The following ADAMTSL1 variants were observed in gnomAD, a reference collection of about 807,000 sequenced individuals.
ADAMTSL1 encodes ADAMTS like 1.
A neutral mutation model predicts 201.8 loss-of-function variants in ADAMTSL1; 126 were observed. The observed-to-expected ratio is 0.62, with a 90% confidence interval of 0.54 to 0.72. The LOEUF is 0.72. Ranked by LOEUF, ADAMTSL1 falls within the 30% of genes least tolerant of loss-of-function variation. The pLI, the probability that ADAMTSL1 is intolerant of heterozygous loss-of-function variation, is 0.00. For synonymous variants in ADAMTSL1, 1,121 were observed against 903.4 expected, an observed-to-expected ratio of 1.24 and a Z score of -4.32; for missense variants, 2,679 against 2,277.8, an observed-to-expected ratio of 1.18 and a Z score of -3.59.
At chr9:18,826,497 C>A (rs1480765804) in intron 22 of ADAMTSL1, 34 bp downstream of exon 22, 2 of 1,592,824 alleles carry the variant, frequency 1.3e-6, no homozygotes, top group Non-Finnish European at 1.7e-6. Context: ...CTCTGCTGCA[C>A]CCTGTTGGGA....
chr9:18,840,698 C>T (rs186588207), intron 23 of ADAMTSL1, among the ~76,000 whole-genome samples: 5,784 of 151,548 alleles, frequency 0.038, 149 homozygotes, highest in South Asian at 0.091. Context: ...TGTTTGTATC[C>T]TCTTTTATTT....
intron 4 of ADAMTSL1, among the ~76,000 whole-genome samples, chr9:18,605,472 G>C (rs901498830): frequency 2.6e-5 from 4 of 152,178 alleles, no homozygotes; most frequent in Admixed American, 1.3e-4. Flanking sequence ...ACTTGCTTCA[G>C]GCATGCAATC....
chr9:18,455,924 A>G (rs1378629959), intron 2 of ADAMTSL1, among the ~76,000 whole-genome samples: 1 of 152,136 alleles, frequency 6.6e-6, no homozygotes, highest in African/African-American at 2.4e-5. Flanking sequence ...TAGGTAACTC[A>G]CTGTGTTTTG....
chr9:18,695,611 G>T (rs1831504648), intron 13 of ADAMTSL1, among the ~76,000 whole-genome samples: 1 of 152,168 alleles, frequency 6.6e-6, no homozygotes, highest in African/African-American at 2.4e-5. Flanking sequence ...TGCCTGAGGT[G>T]CCTGAGACCA....
intron 1 of ADAMTSL1, among the ~76,000 whole-genome samples, chr9:18,058,089 A>T (rs563465915): frequency 1.3e-5 from 2 of 152,332 alleles, no homozygotes; most frequent in East Asian, 3.9e-4. Context: ...TGCTAGCCAG[A>T]TAGGTAAAGG....
chr9:18,782,071 C>A (rs369209997), intron 19 of ADAMTSL1, among the ~76,000 whole-genome samples: 32 of 152,106 alleles, frequency 2.1e-4, no homozygotes, highest in African/African-American at 7.5e-4. Flanking sequence ...TCATCATAAT[C>A]CCTACTTCCT....
chr9:18,275,351 A>T (rs556744132), intron 2 of ADAMTSL1, among the ~76,000 whole-genome samples: 14 of 152,282 alleles, frequency 9.2e-5, no homozygotes, highest in African/African-American at 3.1e-4. Context: ...AGCTTTATTG[A>T]TGTATTTTAT....
intron 3 of ADAMTSL1, among the ~76,000 whole-genome samples, chr9:18,537,667 G>A (rs1342145129): frequency 6.6e-6 from 1 of 152,060 alleles, no homozygotes; most frequent in African/African-American, 2.4e-5. Flanking sequence ...CTTGAGGCCA[G>A]GAGTTTGAGA....
At chr9:18,892,316 C>G in intron 25 of ADAMTSL1, 73 bp from the exon 26 acceptor site, 1 of 1,449,228 alleles carries the variant, frequency 6.9e-7, no homozygotes, top group Non-Finnish European at 9.4e-7. Flanking sequence ...GCAGGGATGT[C>G]GGTGGGGAGG....
intron 1 of ADAMTSL1, among the ~76,000 whole-genome samples, chr9:18,155,586 T>A (rs1041517634): frequency 8.6e-5 from 13 of 152,032 alleles, no homozygotes; most frequent in African/African-American, 3.1e-4. Flanking sequence ...TCAGTTATCA[T>A]TAGTGTTAGT....
chr9:18,004,137 C>A (rs1169688531), intron 1 of ADAMTSL1, among the ~76,000 whole-genome samples: 2 of 151,952 alleles, frequency 1.3e-5, no homozygotes, highest in Admixed American at 1.3e-4. Flanking sequence ...TTTCATTCAA[C>A]TGCTGAGGAA....
At chr9:18,220,179 T>A (rs1830203274) in intron 2 of ADAMTSL1, among the ~76,000 whole-genome samples, 1 of 152,178 alleles carries the variant, frequency 6.6e-6, no homozygotes, top group Admixed American at 6.5e-5. Flanking sequence ...TTCACCTGCT[T>A]CATTGATCAG....
In ADAMTSL1 at chr9:17,974,545, A is replaced by G. The variant is rs112754484; in HGVS notation, c.87+67623A>G. Among the ~76,000 whole-genome samples, 904 of 152,130 alleles carry G rather than the reference A, an allele frequency of 5.9e-3. 5 individuals carry two copies. Among genetic ancestry groups the G allele is most frequent in the South Asian group, 8.5e-3 (41 of 4,824 alleles). ...ATGTTCCCACCCCTCAGCCCCTGGC[A>G]ATCACCATTCTGCTCTCTGCCTCTA... is the stretch of plus-strand genomic sequence containing the variant. On this transcript the variant is annotated intron_variant, in intron 1 of 29. Coordinates refer to the ADAMTSL1 transcript ENST00000680146.
intron 15 of ADAMTSL1, chr9:18,723,015 A>G (rs1297530662): frequency 1.3e-6 from 1 of 779,640 alleles, no homozygotes; most frequent in Non-Finnish European, 2.4e-6. Context: ...GTCATCTAGG[A>G]AGAAGCAGTA....
intron 2 of ADAMTSL1, among the ~76,000 whole-genome samples, chr9:18,365,803 C>G (rs536944491): frequency 1.3e-5 from 2 of 152,280 alleles, no homozygotes; most frequent in Admixed American, 6.5e-5. Flanking sequence ...AGGAGGGGAG[C>G]AGCTGGGGAG....
At chr9:18,413,889 G>C (rs1357460932) in intron 2 of ADAMTSL1, among the ~76,000 whole-genome samples, 2 of 152,114 alleles carry the variant, frequency 1.3e-5, no homozygotes, top group African/African-American at 4.8e-5. Context: ...TGATATCCTG[G>C]CTAAATTTTC....
At chr9:18,737,758 C>A (rs1818598745) in intron 15 of ADAMTSL1, among the ~76,000 whole-genome samples, 1 of 152,194 alleles carries the variant, frequency 6.6e-6, no homozygotes, top group Non-Finnish European at 1.5e-5. Flanking sequence ...ATGTATTAAG[C>A]AACTTGTCCA....
Position 18,268,353 on chromosome 9 carries a change from C to T in ADAMTSL1, c.207+104372C>T, listed in dbSNP as rs570546849. Among the ~76,000 whole-genome samples the T allele has an allele frequency of 2.2e-4, 33 of 152,208 alleles. No individual in the cohort carries two copies. In the South Asian group the frequency reaches 4.6e-3, roughly 21 times the overall value. Reference sequence around the variant, plus strand: ...GGTTTTCCCCCCTTCTTGTTAGTTTCTTTCTACTTTATTTGGTTTATCAGT... The same window carrying T: ...GGTTTTCCCCCCTTCTTGTTAGTTTTTTTCTACTTTATTTGGTTTATCAGT... On this transcript the variant is annotated intron_variant, in intron 2 of 29. Coordinates refer to the ADAMTSL1 transcript ENST00000680146.
chr9:18,539,988 C>T (rs1820026716), intron 3 of ADAMTSL1, among the ~76,000 whole-genome samples: 1 of 152,140 alleles, frequency 6.6e-6, no homozygotes, highest in African/African-American at 2.4e-5. Flanking sequence ...ATCCAACTCA[C>T]TGTAGTCATT....
Sources: allele counts gnomAD v4.1 joint callset (sites outside exome capture counted in the v4.1 genomes callset), GRCh38; gene constraint gnomAD v4.1.1; transcripts MANE v1.5; gene names NCBI Gene and HGNC (gene_info 2026-07-23, HGNC 2026-07-21).